Variants in MINDY4 observed in about 807,000 individuals in gnomAD.
The protein encoded by MINDY4 is probable ubiquitin carboxyl-terminal hydrolase MINDY-4.
MINDY4 carries 68 observed loss-of-function variants against 87.0 expected under a neutral mutation model. That is an observed-to-expected ratio of 0.78 (90% CI 0.64 to 0.96). MINDY4 has a LOEUF of 0.96. MINDY4 is among the 40% of genes least tolerant of loss of function. The probability of loss-of-function intolerance (pLI) is 0.00; values close to 1 mark genes in which losing one functional copy is unlikely to be tolerated. For synonymous variants in MINDY4, 379 were observed against 363.2 expected (o/e 1.04, Z -0.50); for missense variants, 919 against 928.2 (o/e 0.99, Z 0.13).
At chr7:30,824,282 C>T (rs1788431266) in intron 5 of MINDY4, among the ~76,000 whole-genome samples, 1 of 152,126 alleles carries the variant, frequency 6.6e-6, no homozygotes, top group Admixed American at 6.5e-5. Flanking sequence ...CTGTCTTCCT[C>T]TTCTTAGAAA....
chr7:30,780,116 T>C (rs1175313780), intron 2 of MINDY4: 1 of 152,174 alleles, frequency 6.6e-6, no homozygotes, highest in Non-Finnish European at 1.5e-5. Flanking sequence ...ATAGAAGGCC[T>C]TTGTCCTCTG....
intron 5 of MINDY4, among the ~76,000 whole-genome samples, chr7:30,811,675 AGTTAT>A (rs1452435189): frequency 2.0e-5 from 3 of 152,232 alleles, no homozygotes; most frequent in African/African-American, 7.2e-5. Context: ...TGACCTAATC[AGTTAT>A]GTTATGTATA....
intron 15 of MINDY4, among the ~76,000 whole-genome samples, chr7:30,880,302 A>ACC (rs113190113): frequency 4.4e-4 from 32 of 72,126 alleles, no homozygotes; most frequent in South Asian, 1.8e-3. Context: ...CCTCCCCCGC[A>ACC]CCCCCCCCCA....
rs775225433 is a variant in MINDY4 at position 30,881,559 on chromosome 7, T to A, written c.1972-622T>A. Among the ~76,000 whole-genome samples the A allele has an allele frequency of 9.4e-4, 143 of 152,304 alleles. 1 individual carries two copies. The highest frequency in any genetic ancestry group is 6.8e-3 in the Middle Eastern group (2 of 294). On this transcript the variant is annotated intron_variant, in intron 15 of 17. Transcript: ENST00000265299. The stretch of plus-strand genomic sequence containing the variant: ...CAAGTCCTGCTTCATCCATGAGGAA[T>A]TTCATTCACCCGACATTTACTTACC...
chr7:30,803,954 G>A (rs1181716373), intron 5 of MINDY4, among the ~76,000 whole-genome samples: 3 of 152,178 alleles, frequency 2.0e-5, no homozygotes, highest in African/African-American at 7.2e-5. Flanking sequence ...GATGCCTTGG[G>A]GCCTGACATA....
intron 12 of MINDY4, among the ~76,000 whole-genome samples, chr7:30,853,805 G>A (rs1789489556): frequency 6.6e-6 from 1 of 152,248 alleles, no homozygotes; most frequent in South Asian, 2.1e-4. Context: ...CTGAGTGGAA[G>A]CAGCCGCCAC....
At chr7:30,883,096 C>A in intron 17 of MINDY4, 103 bp downstream of exon 17, 1 of 1,072,530 alleles carries the variant, frequency 9.3e-7, no homozygotes, top group Non-Finnish European at 1.4e-6. Context: ...GGTTCCTGGA[C>A]CACCCTGATT....
At chr7:30,792,196 T>C (rs1000740165) in intron 5 of MINDY4, among the ~76,000 whole-genome samples, 4 of 152,258 alleles carry the variant, frequency 2.6e-5, no homozygotes, top group African/African-American at 9.6e-5. Context: ...CTACATTGAT[T>C]GATTTCTGAA....
intron 5 of MINDY4, among the ~76,000 whole-genome samples, chr7:30,800,961 A>G (rs963766844): frequency 2.6e-5 from 4 of 152,186 alleles, no homozygotes; most frequent in African/African-American, 7.2e-5. Context: ...GCATAATTTA[A>G]TTCAGGGGAC....
At chr7:30,845,746 A>G (rs1220981355) in intron 9 of MINDY4, among the ~76,000 whole-genome samples, 1 of 152,138 alleles carries the variant, frequency 6.6e-6, no homozygotes, top group Non-Finnish European at 1.5e-5. Flanking sequence ...GTGAAAGCAG[A>G]TGGAGGATGG....
intron 1 of MINDY4, among the ~76,000 whole-genome samples, chr7:30,775,348 A>C (rs1431588823): frequency 1.3e-5 from 2 of 152,154 alleles, no homozygotes; most frequent in African/African-American, 4.8e-5. Flanking sequence ...TCGGAGAAAC[A>C]CTTTACTTAC....
intron 16 of MINDY4, among the ~76,000 whole-genome samples, chr7:30,882,606 A>G (rs778928016): frequency 2.0e-5 from 3 of 152,360 alleles, no homozygotes; most frequent in Middle Eastern, 3.4e-3. Flanking sequence ...CACATGGTAA[A>G]GAGCCCTGAA....
chr7:30,854,739 G>A (rs1261743228), intron 12 of MINDY4, among the ~76,000 whole-genome samples: 1 of 152,260 alleles, frequency 6.6e-6, no homozygotes, highest in Non-Finnish European at 1.5e-5. Context: ...CAAAGACCCT[G>A]AAGGCCTGGG....
chr7:30,782,216 T>G lies in MINDY4; in HGVS notation c.419+4T>G. The G allele has an allele frequency of 6.2e-7, 1 of 1,605,316 alleles. No individual in the cohort carries two copies. On this transcript the variant is annotated splice_donor_region_variant and intron_variant, in intron 3 of 17. Coordinates refer to ENST00000265299, the MANE Select transcript of MINDY4 (RefSeq NM_032222.3). ...TGTCAGAAACAAGCAAAGCCAGGTA[T>G]CTTTTCCCATTATTATGTTTATTAG...
At chr7:30,851,277 C>T (rs1416859814) in intron 10 of MINDY4, among the ~76,000 whole-genome samples, 1 of 152,194 alleles carries the variant, frequency 6.6e-6, no homozygotes, top group Non-Finnish European at 1.5e-5. Context: ...ACTCTTAGGT[C>T]AGACTCCCAA....
intron 5 of MINDY4, among the ~76,000 whole-genome samples, chr7:30,816,842 C>A (rs559934100): frequency 6.6e-6 from 1 of 152,258 alleles, no homozygotes; most frequent in African/African-American, 2.4e-5. Context: ...CAATTCTAGT[C>A]AGGTTTTCCA....
intron 13 of MINDY4, among the ~76,000 whole-genome samples, chr7:30,861,300 C>A (rs539181723): frequency 2.0e-5 from 3 of 152,232 alleles, no homozygotes; most frequent in Non-Finnish European, 2.9e-5. Context: ...GTAAGGATAG[C>A]GTCTGTGAAG....
At chr7:30,815,049 C>G (rs998686764) in intron 5 of MINDY4, among the ~76,000 whole-genome samples, 1 of 152,220 alleles carries the variant, frequency 6.6e-6, no homozygotes, top group Non-Finnish European at 1.5e-5. Context: ...GTGCAGCTTA[C>G]TTCCCTGACA....
At chr7:30,878,587 C>T (rs1029061899) in intron 15 of MINDY4, among the ~76,000 whole-genome samples, 3 of 152,200 alleles carry the variant, frequency 2.0e-5, no homozygotes, top group African/African-American at 7.2e-5. Flanking sequence ...CAGTTGGAGG[C>T]CAAGCCCCTC....
Sources: gnomAD v4.1 joint callset for allele counts (sites outside exome capture counted in the v4.1 genomes callset) on GRCh38, gnomAD v4.1.1 for gene constraint, MANE v1.5 for transcripts, NCBI Gene and HGNC (gene_info 2026-07-23, HGNC 2026-07-21) for gene names.